The following CNPY1 variants were observed in gnomAD, a reference collection of about 807,000 sequenced individuals.
CNPY1 encodes canopy FGF signaling regulator 1.
A neutral mutation model predicts 14.4 loss-of-function variants in CNPY1; 14 were observed. The observed-to-expected ratio is 0.97, with a 90% CI of 0.64 to 1.52. The LOEUF (loss-of-function observed/expected upper bound fraction) is 1.52, where lower values mean the gene tolerates loss of function less well. Among genes scored for constraint, CNPY1 ranks in the 40% most tolerant of loss-of-function variants. The pLI is 0.00. For missense variants in CNPY1, 129 were observed against 131.5 expected (o/e 0.98, Z 0.09); for synonymous variants, 43 against 46.5 (o/e 0.92, Z 0.31).
chr7:155,510,929 G>T (rs1035675395), intron 2 of CNPY1, among the ~76,000 whole-genome samples: 2 of 152,190 alleles, frequency 1.3e-5, no homozygotes, highest in South Asian at 2.1e-4. Context: ...GATCATTAGC[G>T]GAAAGATTAC....
chr7:155,526,028 T>A (rs895757017), intron 2 of CNPY1, among the ~76,000 whole-genome samples: 1 of 152,166 alleles, frequency 6.6e-6, no homozygotes, highest in African/African-American at 2.4e-5. Flanking sequence ...GGGTACAAGA[T>A]TAAAAATGTA....
chr7:155,529,134 G>A (rs941653416), intron 2 of CNPY1, among the ~76,000 whole-genome samples: 1 of 152,048 alleles, frequency 6.6e-6, no homozygotes, highest in Non-Finnish European at 1.5e-5. Context: ...TGGAGGTTCC[G>A]AAGACCCCAG....
chr7:155,537,692 C>G (rs1485478466), intron 2 of CNPY1, among the ~76,000 whole-genome samples: 1 of 151,940 alleles, frequency 6.6e-6, no homozygotes, highest in Non-Finnish European at 1.5e-5. Context: ...CCCAAAGTGC[C>G]GGGATTACAA....
At chr7:155,511,145 G>A (rs1272516871) in intron 2 of CNPY1, among the ~76,000 whole-genome samples, 2 of 151,794 alleles carry the variant, frequency 1.3e-5, no homozygotes, top group African/African-American at 2.4e-5. Flanking sequence ...CCCCACTCTC[G>A]TTTCCCATCT....
At chr7:155,531,395 G>A (rs919015647) in intron 2 of CNPY1, among the ~76,000 whole-genome samples, 14 of 152,222 alleles carry the variant, frequency 9.2e-5, no homozygotes, top group African/African-American at 3.1e-4. Context: ...TAACATGTAG[G>A]TAATTAGGCT....
chr7:155,516,664 G>T (rs1442057134), intron 2 of CNPY1, among the ~76,000 whole-genome samples: 7 of 152,172 alleles, frequency 4.6e-5, no homozygotes, highest in Admixed American at 4.6e-4. Context: ...AGGAGCAAGG[G>T]TTACCTCAGC....
intron 2 of CNPY1, among the ~76,000 whole-genome samples, chr7:155,513,599 A>G (rs1364519): frequency 0.094 from 14,054 of 149,810 alleles, 1,079 homozygotes; most frequent in African/African-American, 0.21. Flanking sequence ...AGTAACATAT[A>G]TGCTTAGGTT....
chr7:155,510,028 T>C (rs911233031), intron 2 of CNPY1, among the ~76,000 whole-genome samples: 10 of 152,150 alleles, frequency 6.6e-5, no homozygotes, highest in African/African-American at 2.4e-4. Context: ...GCGGGCTTTT[T>C]CCCTCTCCAC....
intron 2 of CNPY1, among the ~76,000 whole-genome samples, chr7:155,544,135 T>G (rs1308507562): frequency 6.6e-6 from 1 of 152,144 alleles, no homozygotes; most frequent in Non-Finnish European, 1.5e-5. Context: ...GCAGTGTGAA[T>G]TTGAGGAGGG....
intron 4 of CNPY1, among the ~76,000 whole-genome samples, chr7:155,504,600 AGT>A (rs1796230802): frequency 6.6e-6 from 1 of 152,082 alleles, no homozygotes; most frequent in Admixed American, 6.6e-5. Context: ...TCCTAAAAGC[AGT>A]GTGTGAATAT....
chr7:155,525,079 C>T (rs1796795598), intron 2 of CNPY1, among the ~76,000 whole-genome samples: 1 of 152,232 alleles, frequency 6.6e-6, no homozygotes, highest in African/African-American at 2.4e-5. Flanking sequence ...TCTCTCTCAG[C>T]ACTTCACACC....
At chr7:155,519,715 A>G (rs528212055) in intron 2 of CNPY1, among the ~76,000 whole-genome samples, 1 of 152,308 alleles carries the variant, frequency 6.6e-6, no homozygotes, top group South Asian at 2.1e-4. Context: ...TTACTCAAGT[A>G]ATGAAATTCA....
intron 2 of CNPY1, among the ~76,000 whole-genome samples, chr7:155,511,107 A>T (rs1426115385): frequency 6.6e-6 from 1 of 152,164 alleles, no homozygotes; most frequent in Non-Finnish European, 1.5e-5. Flanking sequence ...CAAGAAATTC[A>T]TTCTCTCTCT....
intron 2 of CNPY1, among the ~76,000 whole-genome samples, chr7:155,537,522 C>T (rs191728911): frequency 6.6e-6 from 1 of 150,714 alleles, no homozygotes; most frequent in African/African-American, 2.4e-5. Flanking sequence ...CTCCTGGATT[C>T]AAGTGATTCT....
At chr7:155,527,551 C>G (rs963845461) in intron 2 of CNPY1, among the ~76,000 whole-genome samples, 1 of 146,036 alleles carries the variant, frequency 6.8e-6, no homozygotes, top group Non-Finnish European at 1.5e-5. Context: ...AGATGATCCT[C>G]CCTCCTCAGC....
chr7:155,511,727 C>CACT (rs1796536011), intron 2 of CNPY1, among the ~76,000 whole-genome samples: 1 of 152,168 alleles, frequency 6.6e-6, no homozygotes, highest in Non-Finnish European at 1.5e-5. Context: ...AGCTCGGAGA[C>CACT]ACTACCTTAC....
intron 2 of CNPY1, among the ~76,000 whole-genome samples, chr7:155,524,290 A>G (rs1349597693): frequency 6.6e-6 from 1 of 152,244 alleles, no homozygotes; most frequent in Non-Finnish European, 1.5e-5. Flanking sequence ...TTTTCCCTCC[A>G]AGATACGAAT....
chr7:155,542,593 GA>G (rs34760458), intron 2 of CNPY1, among the ~76,000 whole-genome samples: 22,431 of 151,948 alleles, frequency 0.15, 1,937 homozygotes, highest in Non-Finnish European at 0.2. Context: ...ATGCAGAGTA[GA>G]AAAAAAAGCG....
intron 2 of CNPY1, among the ~76,000 whole-genome samples, chr7:155,535,134 C>T (rs1437525420): frequency 6.6e-6 from 1 of 152,232 alleles, no homozygotes; most frequent in Admixed American, 6.5e-5. Context: ...GCAAAACACT[C>T]CTGCATCCCC....
Sources: allele counts gnomAD v4.1 joint callset (sites outside exome capture counted in the v4.1 genomes callset), GRCh38; gene constraint gnomAD v4.1.1; transcripts MANE v1.5; gene names NCBI Gene and HGNC (gene_info 2026-07-23, HGNC 2026-07-21).